RNF126: variants seen among roughly 807,000 people sequenced by gnomAD.
RNF126 encodes the protein ring finger protein 126, also known as E3 ubiquitin-protein ligase RNF126.
A neutral mutation model predicts 41.9 loss-of-function variants in RNF126; 20 were observed. The observed-to-expected ratio is 0.48, with a 90% CI of 0.34 to 0.69. RNF126 has a LOEUF of 0.69. RNF126 is among the 30% of genes least tolerant of loss of function. RNF126 has a pLI of 0.01. For missense variants in RNF126, 433 were observed against 460.6 expected, an observed-to-expected ratio of 0.94 and a Z score of 0.55; for synonymous variants, 239 against 202.9, an observed-to-expected ratio of 1.18 and a Z score of -1.51.
At chr19:649,290 A>T (rs1444566552) in intron 6 of RNF126, 5 of 296,074 alleles carry the variant, frequency 1.7e-5, no homozygotes, top group African/African-American at 1.1e-4. Context: ...CTGGTGGGCT[A>T]CTGTGAGGGT....
chr19:658,707 G>T (rs964082956), intron 1 of RNF126, among the ~76,000 whole-genome samples: 1 of 152,194 alleles, frequency 6.6e-6, no homozygotes, highest in African/African-American at 2.4e-5. Flanking sequence ...CGAGGCGTGA[G>T]CGAAGCCACT....
At position 648,364 on chromosome 19, in the gene RNF126, G is replaced by GGGGGGGGGGGGGGGGC; in HGVS notation, c.786+7_786+8insGCCCCCCCCCCCCCCC. Reference sequence around the variant, plus strand: ...CGGGGTGGGGGGGCGGGTGGGCGGGGCACTCACCTGCTCCAGCCAGGGCAC... The same window carrying GGGGGGGGGGGGGGGGC: ...CGGGGTGGGGGGGCGGGTGGGCGGGGGGGGGGGGGGGGGGGCCACTCACCTGCTCCAGCCAGGGCAC... On this transcript the variant is annotated splice_region_variant and intron_variant, in intron 8 of 8. Coordinates refer to ENST00000292363, the MANE Select transcript of RNF126 (RefSeq NM_194460.3). 2 of 510,490 alleles carry GGGGGGGGGGGGGGGGC rather than the reference G, an allele frequency of 3.9e-6. No individual in the cohort carries two copies. The highest frequency in any genetic ancestry group is 7.2e-6 in the Non-Finnish European group (2 of 278,358). The allele number at this position is 510,490 out of a possible 1,614,324, so 31.6% of individuals were successfully genotyped here.
At position 651,778 on chromosome 19, in the gene RNF126, C is replaced by G. The variant is rs780309025; in HGVS notation, c.276G>C (p.Glu92Asp). ...GCGCCCCAGGAGGGAACGTGGGGATCTCGAAGCTGTCATCGAAGATGCCGA... is the reference window on the plus strand; with the variant it reads ...GCGCCCCAGGAGGGAACGTGGGGATGTCGAAGCTGTCATCGAAGATGCCGA... ...FAFGIFDDSF[E>D]IPTFPPGAQA... Residue 92 changes from glutamate (E) to aspartate (D), a missense_variant, in exon 4 of 9, where the codon GAG becomes GAC. Physicochemically the swap from Glu to Asp is conservative, Grantham distance 45. Transcript: ENST00000292363. 6.2e-7 allele frequency: 1 copy of G among 1,612,876 alleles called. No homozygotes were observed. The highest frequency in any genetic ancestry group is 1.1e-5 in the South Asian group (1 of 91,084).
At chr19:649,110 G>C (rs2040736) in intron 6 of RNF126, 135 bp from the exon 7 acceptor site, 377,264 of 420,670 alleles carry the variant, frequency 0.9, 169,477 homozygotes, top group East Asian at 1. Context: ...GAGCCCGCCC[G>C]GGGTCGGAGA....
At chr19:652,348 C>A in intron 2 of RNF126, 52 bp from the exon 3 acceptor site, 3 of 1,425,678 alleles carry the variant, frequency 2.1e-6, no homozygotes, top group Non-Finnish European at 2.9e-6. Context: ...CCCCCATGCG[C>A]CAGGCGCTCC....
chr19:648,004 C>T lies in RNF126; in HGVS notation c.*124G>A, dbSNP rs561366454. The T allele has an allele frequency of 1.6e-5, 19 of 1,195,686 alleles. No homozygotes were observed. Among genetic ancestry groups the T allele is most frequent in the Middle Eastern group, 2.3e-4 (1 of 4,380 alleles). The allele number at this position is 1,195,686 out of a possible 1,614,324, so 74.1% of individuals were successfully genotyped here. On this transcript the variant is annotated 3_prime_UTR_variant, in exon 9 of 9. Coordinates refer to ENST00000292363, the MANE Select transcript of RNF126 (RefSeq NM_194460.3). ...GGCCCGGGTCCTGCCCTGGAACAGG[C>T]GGGACCTGCAGCGCTGACCAGCCAA...
chr19:649,007 T>A lies in RNF126; in HGVS notation c.577-32A>T, dbSNP rs748576944. ...GACAAGAGGCGAGAGTGCCGGGAGCTCCTCGGGGGCCCGGCCCGGGGCTCT... is the reference window on the plus strand; with the variant it reads ...GACAAGAGGCGAGAGTGCCGGGAGCACCTCGGGGGCCCGGCCCGGGGCTCT... On this transcript the variant is annotated intron_variant, in intron 6 of 8. Transcript: ENST00000292363. 5.2e-6 allele frequency: 6 copies of A among 1,157,712 alleles called. No homozygotes were observed. The South Asian group carries it at 1.6e-4, about 30-fold the overall frequency. 71.7% of individuals were successfully genotyped at this position (1,157,712 alleles called of 1,614,324 possible).
At chr19:658,437 C>T (rs547246505) in intron 1 of RNF126, among the ~76,000 whole-genome samples, 134 of 152,210 alleles carry the variant, frequency 8.8e-4, no homozygotes, top group African/African-American at 3.1e-3. Flanking sequence ...AAGCTGTGCA[C>T]ATCAGGAGAC....
At chr19:652,322 T>C (rs1442701108) in intron 2 of RNF126, 26 bp from the exon 3 acceptor site, 1 of 1,543,610 alleles carries the variant, frequency 6.5e-7, no homozygotes, top group Non-Finnish European at 8.7e-7. Flanking sequence ...AGGTCAGCAG[T>C]GCCGGCTACC....
intron 1 of RNF126, among the ~76,000 whole-genome samples, chr19:658,385 G>C (rs1287841937): frequency 6.6e-6 from 1 of 152,092 alleles, no homozygotes; most frequent in Non-Finnish European, 1.5e-5. Flanking sequence ...GCAGGCCCCT[G>C]GTGACAGTGA....
At position 648,940 on chromosome 19, in the gene RNF126, C is replaced by G; in HGVS notation, c.612G>C (p.Pro204=). The G allele has an allele frequency of 7.1e-7, 1 of 1,402,018 alleles. No individual in the cohort carries two copies. Among genetic ancestry groups the G allele is most frequent in the Non-Finnish European group, 9.3e-7 (1 of 1,075,320 alleles). 86.8% of individuals were successfully genotyped at this position (1,402,018 alleles called of 1,614,324 possible). A position where few individuals can be genotyped will look rare whatever the true frequency, so the allele number is the denominator to read the frequency against. The change falls in exon 7 of 9, where the codon CCG becomes CCC. Residue 204 remains proline (P), a synonymous_variant. Transcript: ENST00000292363. The part of the protein sequence containing the change: ...LNQFENTGPP[P]ADKEKIQALP... The stretch of plus-strand genomic sequence containing the variant: ...GGGCCTGGATTTTCTCTTTATCTGC[C>G]GGTGGGGGGCCTGTGTTTTCAAACT...
At chr19:651,551 C>A in intron 4 of RNF126, 60 bp downstream of exon 4, 3 of 1,368,902 alleles carry the variant, frequency 2.2e-6, no homozygotes, top group Non-Finnish European at 2.8e-6. Context: ...GGATTCTAAG[C>A]GCCAGAACTT....
chr19:654,354 G>A (rs1047241049), intron 1 of RNF126, among the ~76,000 whole-genome samples: 7 of 152,196 alleles, frequency 4.6e-5, no homozygotes, highest in South Asian at 4.1e-4. Flanking sequence ...GGCACGCTCC[G>A]CCATCACCGG....
At chr19:649,634 C>A (rs2030172963) in intron 6 of RNF126, 45 bp downstream of exon 6, 1 of 1,491,242 alleles carries the variant, frequency 6.7e-7, no homozygotes, top group Non-Finnish European at 9.1e-7. Flanking sequence ...GGTGGGCAGC[C>A]CAGCCCTCCC....
chr19:655,591 G>A (rs1399575794), intron 1 of RNF126, among the ~76,000 whole-genome samples: 2 of 152,062 alleles, frequency 1.3e-5, no homozygotes, highest in African/African-American at 2.4e-5. Flanking sequence ...CACTTCCCAG[G>A]GCCAGCCAGG....
chr19:663,150 G>C lies in RNF126; in HGVS notation c.-29C>G, dbSNP rs936426912. The C allele has an allele frequency of 2.4e-4, 277 of 1,134,002 alleles. 1 individual carries two copies. The highest frequency in any genetic ancestry group is 2.8e-4 in the Non-Finnish European group (252 of 913,992). The allele number at this position is 1,134,002 out of a possible 1,614,324, so 70.2% of individuals were successfully genotyped here. ...CGCCGCCACCTACTCCGCGCCGCCCGCCCCCCGCGCGGCACCCGCCGCCGG... is the reference window on the plus strand; with the variant it reads ...CGCCGCCACCTACTCCGCGCCGCCCCCCCCCCGCGCGGCACCCGCCGCCGG... On this transcript the variant is annotated 5_prime_UTR_variant, in exon 1 of 9. Coordinates refer to ENST00000292363, the MANE Select transcript of RNF126 (RefSeq NM_194460.3).
chr19:653,188 C>T (rs1051561149), intron 1 of RNF126, among the ~76,000 whole-genome samples: 4 of 152,162 alleles, frequency 2.6e-5, no homozygotes, highest in Non-Finnish European at 4.4e-5. Flanking sequence ...CCCACCGTGA[C>T]GGGCGTCACC....
intron 2 of RNF126, 111 bp downstream of exon 2, chr19:652,715 A>G: frequency 1.1e-6 from 1 of 951,328 alleles, no homozygotes; most frequent in Admixed American, 2.1e-5. Flanking sequence ...CACAGACACC[A>G]GGGCCTGACG....
chr19:656,518 G>A (rs1377584786), intron 1 of RNF126, among the ~76,000 whole-genome samples: 1 of 151,964 alleles, frequency 6.6e-6, no homozygotes, highest in Non-Finnish European at 1.5e-5. Context: ...GCACGGTGGT[G>A]GGTGCCTGTA....
Sources: gnomAD v4.1 joint callset for allele counts (sites outside exome capture counted in the v4.1 genomes callset) on GRCh38, gnomAD v4.1.1 for gene constraint, MANE v1.5 for transcripts, NCBI Gene and HGNC (gene_info 2026-07-23, HGNC 2026-07-21) for gene names.